The following CNTN5 variants were observed in gnomAD, a reference collection of about 807,000 sequenced individuals.
CNTN5 encodes the protein contactin 5.
A neutral mutation model predicts 129.1 loss-of-function variants in CNTN5; 77 were observed. That is an observed-to-expected ratio of 0.60 (90% CI 0.50 to 0.72). The LOEUF (loss-of-function observed/expected upper bound fraction) is 0.72. Among genes scored for constraint, CNTN5 ranks in the 30% least tolerant of loss-of-function variants. The pLI is 0.00. For missense variants in CNTN5, 1,478 were observed against 1,328.8 expected (o/e 1.11, Z -1.75); for synonymous variants, 509 against 465.6 (o/e 1.09, Z -1.20).
At chr11:99,921,991 T>G (rs923753186) in intron 7 of CNTN5, among the ~76,000 whole-genome samples, 1 of 152,130 alleles carries the variant, frequency 6.6e-6, no homozygotes, top group African/African-American at 2.4e-5. Context: ...CTTGGGAAAA[T>G]ATAGTCAAAA....
intron 9 of CNTN5, among the ~76,000 whole-genome samples, chr11:100,026,983 A>G (rs1591078274): frequency 6.6e-6 from 1 of 152,088 alleles, no homozygotes; most frequent in African/African-American, 2.4e-5. Flanking sequence ...GTTCCCAGAC[A>G]TTGAAGTTTT....
intron 9 of CNTN5, among the ~76,000 whole-genome samples, chr11:100,019,328 G>A (rs1271321261): frequency 6.6e-6 from 1 of 151,842 alleles, no homozygotes; most frequent in Non-Finnish European, 1.5e-5. Context: ...TATGATACAG[G>A]TATGGATCAA....
At chr11:99,590,246 C>A (rs761689303) in intron 3 of CNTN5, among the ~76,000 whole-genome samples, 6 of 152,098 alleles carry the variant, frequency 3.9e-5, no homozygotes, top group Non-Finnish European at 7.4e-5. Flanking sequence ...CAAAAACTAC[C>A]ATTGATAATA....
At chr11:100,202,259 G>A (rs1948800366) in intron 15 of CNTN5, among the ~76,000 whole-genome samples, 1 of 151,904 alleles carries the variant, frequency 6.6e-6, no homozygotes, top group Admixed American at 6.6e-5. Flanking sequence ...TATTTAGCAA[G>A]ATCACATTTT....
At chr11:99,930,011 A>G (rs1950154985) in intron 7 of CNTN5, among the ~76,000 whole-genome samples, 8 of 152,266 alleles carry the variant, frequency 5.3e-5, no homozygotes, top group South Asian at 2.1e-4. Flanking sequence ...GTGCTCTTAT[A>G]GACTTATTAT....
At chr11:99,781,348 T>G (rs1326233296) in intron 3 of CNTN5, among the ~76,000 whole-genome samples, 1 of 152,076 alleles carries the variant, frequency 6.6e-6, no homozygotes, top group African/African-American at 2.4e-5. Context: ...TTTTCATGTT[T>G]CTTGGCATAT....
rs1369192114 is a variant in CNTN5 at position 99,962,684 on chromosome 11, G to A, written c.877+5675G>A. ...TTGGTTATATACCCAGTAATGGGAT[G>A]GCTGGGTCAAATGGTATTTCTAGTT... On this transcript the variant is annotated intron_variant, in intron 8 of 24. Transcript: ENST00000524871. Among the ~76,000 whole-genome samples, 3 of 150,776 alleles carry A rather than the reference G, an allele frequency of 2.0e-5. No individual in the cohort carries two copies. In the East Asian group the frequency reaches 5.8e-4, roughly 29 times the overall value.
chr11:100,088,272 G>T (rs1944631081), intron 13 of CNTN5, among the ~76,000 whole-genome samples: 3 of 151,816 alleles, frequency 2.0e-5, no homozygotes, highest in Admixed American at 1.3e-4. Flanking sequence ...AGCACTAAAT[G>T]CCTACCTTGA....
At chr11:99,943,064 C>T (rs138419346) in intron 7 of CNTN5, among the ~76,000 whole-genome samples, 1 of 152,214 alleles carries the variant, frequency 6.6e-6, no homozygotes, top group Non-Finnish European at 1.5e-5. Context: ...AATGGGATTG[C>T]TGGGTCAAAT....
At chr11:99,875,675 C>T (rs1329355933) in intron 6 of CNTN5, among the ~76,000 whole-genome samples, 4 of 152,042 alleles carry the variant, frequency 2.6e-5, no homozygotes, top group Admixed American at 2.0e-4. Flanking sequence ...CCCAAACACT[C>T]GACACATTTG....
At chr11:99,027,787 A>G (rs1863168589) in intron 1 of CNTN5, among the ~76,000 whole-genome samples, 1 of 151,698 alleles carries the variant, frequency 6.6e-6, no homozygotes, top group South Asian at 2.1e-4. Flanking sequence ...GCTTTAATTG[A>G]CAAATTATGA....
rs115264172 is a variant in CNTN5 at position 99,294,777 on chromosome 11, C to T, written c.-209-30569C>T. Among the ~76,000 whole-genome samples the T allele has an allele frequency of 2.5e-3, 382 of 152,264 alleles. 3 individuals carry two copies. The highest frequency in any genetic ancestry group is 8.9e-3 in the African/African-American group (369 of 41,554). ...GCATCACAGACACCACTGTCGACGA[C>T]GTTCAGTAGTTTCTCTTGGGCAGTT... On this transcript the variant is annotated intron_variant, in intron 1 of 24. Coordinates refer to ENST00000524871, the MANE Select transcript of CNTN5 (RefSeq NM_014361.4).
chr11:99,657,651 G>A (rs73555653), intron 3 of CNTN5, among the ~76,000 whole-genome samples: 3,540 of 152,154 alleles, frequency 0.023, 151 homozygotes, highest in African/African-American at 0.08. Context: ...AGAGACCTGA[G>A]TAGTTTTTAG....
intron 13 of CNTN5, among the ~76,000 whole-genome samples, chr11:100,105,098 A>G (rs1284867983): frequency 6.6e-6 from 1 of 152,304 alleles, no homozygotes; most frequent in South Asian, 2.1e-4. Context: ...TATAATGCTT[A>G]TTTTGCAATT....
At chr11:99,874,329 C>T (rs1408623225) in intron 6 of CNTN5, among the ~76,000 whole-genome samples, 2 of 152,138 alleles carry the variant, frequency 1.3e-5, no homozygotes, top group Non-Finnish European at 2.9e-5. Flanking sequence ...TCCCCACAGT[C>T]TGGATTAGGA....
chr11:99,955,754 C>G (rs939659651), intron 7 of CNTN5, among the ~76,000 whole-genome samples: 1 of 151,744 alleles, frequency 6.6e-6, no homozygotes, highest in African/African-American at 2.4e-5. Flanking sequence ...TTAGTAGAGA[C>G]GGGGTTTCAC....
intron 16 of CNTN5, among the ~76,000 whole-genome samples, chr11:100,248,837 G>T (rs1247017388): frequency 2.0e-5 from 3 of 152,162 alleles, no homozygotes. Flanking sequence ...GGCACCACTA[G>T]TTGCTGTCTA....
chr11:100,040,990 C>A (rs190385416), intron 9 of CNTN5, among the ~76,000 whole-genome samples: 333 of 152,316 alleles, frequency 2.2e-3, no homozygotes, highest in African/African-American at 7.7e-3. Flanking sequence ...TGTCCTGCAC[C>A]TACTCTCTGG....
intron 8 of CNTN5, among the ~76,000 whole-genome samples, chr11:99,963,327 T>A (rs947512686): frequency 6.6e-6 from 1 of 152,120 alleles, no homozygotes; most frequent in East Asian, 1.9e-4. Flanking sequence ...TCTTGAATTA[T>A]TTTTTGTATA....
Sources: allele counts gnomAD v4.1 joint callset (sites outside exome capture counted in the v4.1 genomes callset), GRCh38; gene constraint gnomAD v4.1.1; transcripts MANE v1.5; gene names NCBI Gene and HGNC (gene_info 2026-07-23, HGNC 2026-07-21).